The following EED variants were observed in gnomAD, a reference collection of about 807,000 sequenced individuals.
The protein encoded by EED is embryonic ectoderm development, also known as polycomb protein EED.
EED carries 9 observed loss-of-function variants against 61.0 expected under a neutral mutation model. The ratio of observed to expected loss-of-function variants is 0.15; its 90% CI spans 0.09 to 0.26. The LOEUF is 0.26. Among genes scored for constraint, EED ranks in the 10% least tolerant of loss-of-function variants. The pLI, the probability that EED is intolerant of heterozygous loss-of-function variation, is 1.00. For synonymous variants in EED, 187 were observed against 174.4 expected, an observed-to-expected ratio of 1.07 and a Z score of -0.57; for missense variants, 315 against 542.3, an observed-to-expected ratio of 0.58 and a Z score of 4.16.
intron 6 of EED, among the ~76,000 whole-genome samples, chr11:86,261,742 G>A (rs1225716916): frequency 6.6e-6 from 1 of 152,198 alleles, no homozygotes; most frequent in Non-Finnish European, 1.5e-5. Context: ...TGTACCTTCA[G>A]AAGCTATGGC....
downstream of EED, among the ~76,000 whole-genome samples, chr11:86,282,059 A>G (rs1051366626): frequency 1.1e-4 from 17 of 152,300 alleles, no homozygotes; most frequent in East Asian, 3.9e-4. Flanking sequence ...ACAATTATCA[A>G]TACATAGCCA....
At chr11:86,280,880 G>T (rs1252716970), downstream of EED, among the ~76,000 whole-genome samples, 1 of 152,170 alleles carries the variant, frequency 6.6e-6, no homozygotes, top group African/African-American at 2.4e-5. Context: ...TCATGAAAGG[G>T]TGTTGAATTT....
intron 6 of EED, among the ~76,000 whole-genome samples, chr11:86,259,224 A>G (rs1238269078): frequency 1.3e-5 from 2 of 151,612 alleles, no homozygotes; most frequent in Non-Finnish European, 2.9e-5. Context: ...GAGCATTTTT[A>G]AAAATCAGAA....
intron 2 of EED, among the ~76,000 whole-genome samples, chr11:86,250,844 C>T (rs1172590362): frequency 6.6e-6 from 1 of 151,990 alleles, no homozygotes; most frequent in East Asian, 1.9e-4. Flanking sequence ...TAAATTGAAA[C>T]AGATGTTTTA....
chr11:86,268,357 A>C, intron 8 of EED, 99 bp from the exon 9 acceptor site: 2 of 729,670 alleles, frequency 2.7e-6, no homozygotes, highest in South Asian at 2.1e-5. Flanking sequence ...ATAGTCTTAC[A>C]TTTTGTTTTT....
intron 10 of EED, 58 bp from the exon 11 acceptor site, chr11:86,277,860 A>G (rs1385079767): frequency 6.8e-6 from 10 of 1,465,792 alleles, no homozygotes; most frequent in African/African-American, 1.5e-5. Context: ...GATTCCTCCA[A>G]TGCTTTAGAA....
chr11:86,255,249 G>A lies in EED; in HGVS notation c.388G>A (p.Gly130Arg). 1 of 1,610,484 alleles carries A rather than the reference G, an allele frequency of 6.2e-7. No individual in the cohort carries two copies. ...RVTLYECHSQ[G>R]EIRLLQSYVD... is the part of the protein sequence containing the mutation. ...TACCTTGTATGAATGTCATTCACAA[G>A]GAGAAATCCGGTTGTTGCAATCTTA... Residue 130 changes from glycine (G) to arginine (R), a missense_variant, in exon 4 of 12, where the codon GGA becomes AGA. By Grantham distance (125) the Gly-to-Arg change is moderately radical. Transcript: ENST00000263360.
downstream of EED, among the ~76,000 whole-genome samples, chr11:86,280,967 T>C (rs10751137): frequency 0.33 from 50,951 of 152,158 alleles, 9,365 homozygotes; most frequent in Non-Finnish European, 0.41. Context: ...GTGAATCACA[T>C]TTATTAATGT....
intron 10 of EED, chr11:86,277,491 A>G (rs1354070449): frequency 5.4e-6 from 1 of 183,532 alleles, no homozygotes; most frequent in African/African-American, 2.3e-5. Flanking sequence ...TCCTAGAGAA[A>G]AATCAGGATA....
At chr11:86,251,298 A>T (rs1436191760) in intron 2 of EED, among the ~76,000 whole-genome samples, 1 of 152,184 alleles carries the variant, frequency 6.6e-6, no homozygotes, top group Non-Finnish European at 1.5e-5. Flanking sequence ...ATATTTTTTA[A>T]AAGTCAATTA....
Position 86,245,264 on chromosome 11 carries a change from G to GAACAGACATGCCTGCGGC in EED, c.36_53dup (p.Thr13_Ala18dup), listed in dbSNP as rs1438969296. On this transcript the variant is annotated inframe_insertion, in exon 1 of 12. Coordinates refer to ENST00000263360, the MANE Select transcript of EED (RefSeq NM_003797.5). ...AGGGAAGTGTCGACTGCGCCGGCGG[G>GAACAGACATGCCTGCGGC]AACAGACATGCCTGCGGCCAAGAAG... is the stretch of plus-strand genomic sequence containing the variant. The GAACAGACATGCCTGCGGC allele has an allele frequency of 1.7e-5, 28 of 1,613,412 alleles. No homozygotes were observed. The highest frequency in any genetic ancestry group is 3.3e-4 in the Middle Eastern group (2 of 6,082).
chr11:86,252,206 A>G lies in EED; in HGVS notation c.326A>G (p.Asp109Gly). The G allele has an allele frequency of 6.2e-7, 1 of 1,611,922 alleles. No homozygotes were observed. The highest frequency in any genetic ancestry group is 8.5e-7 in the Non-Finnish European group (1 of 1,178,594). ...VQFNWHSKEG[D>G]PLVFATVGSN... ...TTTAACTGGCACAGTAAAGAAGGAG[A>G]TCCATTAGTGTTTGCAACTGTAGGA... Residue 109 changes from aspartate (D) to glycine (G), a missense_variant, in exon 3 of 12, where the codon GAT (aspartate) becomes GGT (glycine). Around this residue, in one of 2 missense-constraint regions of EED, gnomAD observed 205 missense variants for 455.4 expected, o/e 0.45. Coordinates refer to ENST00000263360, the MANE Select transcript of EED (RefSeq NM_003797.5).
intron 6 of EED, among the ~76,000 whole-genome samples, chr11:86,263,507 T>G (rs1945893160): frequency 6.6e-6 from 1 of 152,214 alleles, no homozygotes; most frequent in South Asian, 2.1e-4. Context: ...GACTGACTGA[T>G]GGATTAATTA....
At chr11:86,250,600 C>T in intron 2 of EED, 152 bp downstream of exon 2, 1 of 906,622 alleles carries the variant, frequency 1.1e-6, no homozygotes, top group East Asian at 3.3e-5. Flanking sequence ...GTAGTTCAGA[C>T]TGCGTATCTA....
At chr11:86,271,783 T>C (rs1309427720) in intron 9 of EED, among the ~76,000 whole-genome samples, 3 of 151,980 alleles carry the variant, frequency 2.0e-5, no homozygotes, top group African/African-American at 4.8e-5. Context: ...TAGTAGATTA[T>C]ATTGATTGGT....
At chr11:86,249,893 A>G (rs1419898932) in intron 1 of EED, among the ~76,000 whole-genome samples, 1 of 152,230 alleles carries the variant, frequency 6.6e-6, no homozygotes, top group Non-Finnish European at 1.5e-5. Context: ...CATATACATC[A>G]GTCAGATTTA....
intron 9 of EED, among the ~76,000 whole-genome samples, chr11:86,270,543 A>T (rs531986185): frequency 9.9e-5 from 15 of 152,220 alleles, no homozygotes; most frequent in African/African-American, 2.9e-4. Flanking sequence ...TTGATTTTTT[A>T]AAATTATTTT....
Position 86,245,318 on chromosome 11 carries a change from A to T in EED, c.89A>T (p.Asn30Ile), listed in dbSNP as rs145674802. 6.2e-7 allele frequency: 1 copy of T among 1,613,234 alleles called. No homozygotes were observed. The highest frequency in any genetic ancestry group is 8.5e-7 in the Non-Finnish European group (1 of 1,179,804). The change falls in exon 1 of 12, where the codon AAT (asparagine) becomes ATT (isoleucine). Residue 30 changes from asparagine to isoleucine, a missense_variant. Physicochemically the swap from Asn to Ile is moderately radical, Grantham distance 149. Around this residue, in one of 2 missense-constraint regions of EED, gnomAD observed 110 missense variants for 86.9 expected, o/e 1.27. Coordinates refer to ENST00000263360, the MANE Select transcript of EED (RefSeq NM_003797.5). Reference sequence around the variant, plus strand: ...AAGCTGAGCAGTGACGAGAACAGCAATCCAGACCTCTCTGGAGACGAGAAT... The same window carrying T: ...AAGCTGAGCAGTGACGAGAACAGCATTCCAGACCTCTCTGGAGACGAGAAT... ...KQKLSSDENS[N>I]PDLSGDENDD...
At chr11:86,281,810 C>T (rs1008940138), downstream of EED, among the ~76,000 whole-genome samples, 1 of 152,192 alleles carries the variant, frequency 6.6e-6, no homozygotes, top group Admixed American at 6.5e-5. Flanking sequence ...GCATGCATCA[C>T]TGTGCCAGGC....
Sources: gnomAD v4.1 joint callset for allele counts (sites outside exome capture counted in the v4.1 genomes callset) on GRCh38, gnomAD v4.1.1 for gene constraint, gnomAD v4.1.1 regional missense constraint, MANE v1.5 for transcripts, NCBI Gene and HGNC (gene_info 2026-07-23, HGNC 2026-07-21) for gene names.